FNDC1: variants seen among roughly 807,000 people sequenced by gnomAD.
FNDC1 encodes fibronectin type III domain-containing protein 1.
FNDC1 carries 96 observed loss-of-function variants against 168.0 expected under a neutral mutation model. The ratio of observed to expected loss-of-function variants is 0.57; its 90% CI spans 0.48 to 0.68. FNDC1 has a LOEUF of 0.68. Ranked by LOEUF, FNDC1 falls within the 30% of genes least tolerant of loss-of-function variation. FNDC1 has a pLI of 0.00. For missense variants in FNDC1, 2,587 were observed against 2,482.1 expected (o/e 1.04, Z -0.90); for synonymous variants, 1,099 against 1,025.9 (o/e 1.07, Z -1.36).
intron 22 of FNDC1, among the ~76,000 whole-genome samples, chr6:159,270,834 T>C (rs1777730395): frequency 6.6e-6 from 1 of 152,212 alleles, no homozygotes; most frequent in African/African-American, 2.4e-5. Context: ...CTCAATGTCA[T>C]CCATCCAGGT....
At chr6:159,222,777 TCATGC>T (rs1782857782) in intron 6 of FNDC1, among the ~76,000 whole-genome samples, 1 of 152,206 alleles carries the variant, frequency 6.6e-6, no homozygotes, top group Admixed American at 6.5e-5. Context: ...AATTTTCATT[TCATGC>T]CATGATCATC....
chr6:159,259,753 G>A (rs1319502318), intron 18 of FNDC1, among the ~76,000 whole-genome samples: 2 of 152,022 alleles, frequency 1.3e-5, no homozygotes, highest in African/African-American at 4.8e-5. Flanking sequence ...ATTGAGATTT[G>A]GAAACTCATA....
intron 1 of FNDC1, among the ~76,000 whole-genome samples, chr6:159,194,786 T>C (rs1194824124): frequency 6.6e-6 from 1 of 152,138 alleles, no homozygotes; most frequent in African/African-American, 2.4e-5. Flanking sequence ...GATGCTGGTT[T>C]GATGACTTCA....
At chr6:159,238,374 C>T (rs912478281) in intron 12 of FNDC1, among the ~76,000 whole-genome samples, 180 bp from the exon 13 acceptor site, 31 of 152,146 alleles carry the variant, frequency 2.0e-4, no homozygotes, top group Non-Finnish European at 4.0e-4. Flanking sequence ...CGTGAGCCAC[C>T]GCGCCCGGCC....
In FNDC1 at chr6:159,221,611, G is replaced by A. The variant is rs1385191859; in HGVS notation, c.681G>A (p.Val227=). Residue 227 remains valine, a synonymous_variant, in exon 6 of 23, where the codon GTG becomes GTA. Transcript: ENST00000297267. The stretch of plus-strand genomic sequence containing the variant: ...CCTGGTCCACAGCCTCGGAATCCGT[G>A]TATGTGGTCTCCCTGCAGTCCATGA... ...HEIKKLASES[V]YVVSLQSMNS... 3.1e-5 allele frequency: 50 copies of A among 1,613,956 alleles called. No homozygotes were observed. Among genetic ancestry groups the A allele is most frequent in the Non-Finnish European group, 4.2e-5 (49 of 1,179,832 alleles).
At chr6:159,171,582 G>A (rs765353029) in intron 1 of FNDC1, among the ~76,000 whole-genome samples, 1 of 152,194 alleles carries the variant, frequency 6.6e-6, no homozygotes, top group African/African-American at 2.4e-5. Context: ...GGCTCCGAGG[G>A]ACTTTGCTTA....
At position 159,265,992 on chromosome 6, in the gene FNDC1, G is replaced by A. The variant is rs1175651555; in HGVS notation, c.5285-92G>A. The A allele has an allele frequency of 3.0e-6, 4 of 1,324,952 alleles. No homozygotes were observed. In the African/African-American group the frequency reaches 4.4e-5, roughly 15 times the overall value. The allele number at this position is 1,324,952 out of a possible 1,614,324, so 82.1% of individuals were successfully genotyped here. On this transcript the variant is annotated intron_variant, in intron 20 of 22. Coordinates refer to ENST00000297267, the MANE Select transcript of FNDC1 (RefSeq NM_032532.3). ...CAAAAAGCCCTGTAAGGAAAGGAAG[G>A]CCCAGGAAGTCAGTGCAATTTCCTG...
chr6:159,269,503 C>CT lies in FNDC1; in HGVS notation c.5569+1577_5569+1578insT, dbSNP rs1562316105. 2.2e-3 allele frequency among the ~76,000 whole-genome samples: 239 copies of CT among 108,296 alleles called. 1 individual carries two copies. The highest frequency in any genetic ancestry group is 4.6e-3 in the Middle Eastern group (1 of 216). 71.0% of individuals were successfully genotyped at this position (108,296 alleles called of 152,430 possible). ...CTATCTATCTATCTATCTATCTATCCATCCATCCATGCATCCATCCATCCA... is the reference window on the plus strand; with the variant it reads ...CTATCTATCTATCTATCTATCTATCCTATCCATCCATGCATCCATCCATCCA... On this transcript the variant is annotated intron_variant, in intron 22 of 22. Coordinates refer to ENST00000297267, the MANE Select transcript of FNDC1 (RefSeq NM_032532.3).
At chr6:159,251,179 A>G in intron 16 of FNDC1, 123 bp from the exon 17 acceptor site, 2 of 690,486 alleles carry the variant, frequency 2.9e-6, no homozygotes, top group African/African-American at 1.8e-5. Context: ...ATCAAGGCTG[A>G]TGGAGCCTCC....
intron 12 of FNDC1, among the ~76,000 whole-genome samples, chr6:159,237,606 C>T (rs1408663214): frequency 1.3e-5 from 2 of 152,166 alleles, no homozygotes; most frequent in African/African-American, 2.4e-5. Context: ...TTAACATTAA[C>T]AGCAAAATGG....
rs772536058 is a variant in FNDC1, at chr6:159,233,957, C to CG, written c.3448dup (p.Val1150GlyfsTer40). On this transcript the variant is annotated frameshift_variant, in exon 11 of 23. Coordinates refer to ENST00000297267, the MANE Select transcript of FNDC1 (RefSeq NM_032532.3). LOFTEE classifies it high-confidence loss of function. This position sits in a 1 kb window ranked among gnomAD's most constrained non-coding sequence, Gnocchi z 4.6. ...ACCCGGCGGCCCCCAGTCCCGCGCC[C>CG]GGGTACCCAGCAGGGCAGCGCCGGG... is the stretch of plus-strand genomic sequence containing the variant. 8.2e-6 allele frequency: 13 copies of CG among 1,576,824 alleles called. No homozygotes were observed. Among genetic ancestry groups the CG allele is most frequent in the Non-Finnish European group, 1.1e-5 (13 of 1,161,598 alleles).
Position 159,233,027 on chromosome 6 carries a change from C to T in FNDC1, c.2515C>T (p.Arg839Trp). ...GTCTCCAAGCAGGTTCAGCATTGGG[C>T]GGGGACCTCGGCTGCAGCCCTCCAG... ...GRSPSRFSIG[R>W]GPRLQPSSSP... Residue 839 changes from arginine to tryptophan, a missense_variant, in exon 11 of 23, where the codon CGG (arginine) becomes TGG (tryptophan). Transcript: ENST00000297267. This position sits in a 1 kb window ranked among gnomAD's most constrained non-coding sequence, Gnocchi z 4.6. The T allele has an allele frequency of 1.2e-6, 2 of 1,612,010 alleles. No homozygotes were observed. The highest frequency in any genetic ancestry group is 1.3e-5 in the African/African-American group (1 of 74,984).
intron 18 of FNDC1, among the ~76,000 whole-genome samples, chr6:159,260,255 G>T: frequency 6.6e-6 from 1 of 152,302 alleles, no homozygotes; most frequent in South Asian, 2.1e-4. Flanking sequence ...AAGAGGTGAG[G>T]AAAGCACAAA....
chr6:159,228,545 G>T (rs516850), intron 9 of FNDC1, among the ~76,000 whole-genome samples: 58,090 of 149,998 alleles, frequency 0.39, 14,244 homozygotes, highest in East Asian at 0.73. Context: ...TGGTTGAAAC[G>T]TTTTTTTTTT....
chr6:159,207,976 T>C (rs1033994137), intron 4 of FNDC1, among the ~76,000 whole-genome samples: 7 of 152,214 alleles, frequency 4.6e-5, no homozygotes, highest in Non-Finnish European at 1.0e-4. Flanking sequence ...CCATTAAGAT[T>C]GGAAAAAGAT....
intron 1 of FNDC1, among the ~76,000 whole-genome samples, chr6:159,193,609 G>A (rs1782183943): frequency 6.6e-6 from 1 of 152,158 alleles, no homozygotes. Context: ...GCTTAGTTCT[G>A]GGCTCAGCAT....
chr6:159,186,930 A>T (rs1782012742), intron 1 of FNDC1, among the ~76,000 whole-genome samples: 1 of 152,254 alleles, frequency 6.6e-6, no homozygotes, highest in African/African-American at 2.4e-5. Context: ...ATTGGCATGC[A>T]TGCATGAAAG....
rs35059418 is a variant in FNDC1, at chr6:159,247,753, CT to C, written c.4690+793del. Among the ~76,000 whole-genome samples, 16 of 151,312 alleles carry C rather than the reference CT, an allele frequency of 1.1e-4. No individual in the cohort carries two copies. In the East Asian group the frequency reaches 1.9e-3, roughly 18 times the overall value. ...CACCCCATTTCAAACAAAAAAAACA[CT>C]TTTTTTTTAAGGTTAAGAATACAAA... On this transcript the variant is annotated intron_variant, in intron 15 of 22. Transcript: ENST00000297267.
intron 13 of FNDC1, among the ~76,000 whole-genome samples, 180 bp from the exon 14 acceptor site, chr6:159,239,337 T>A (rs1298285101): frequency 6.6e-6 from 1 of 152,240 alleles, no homozygotes; most frequent in Non-Finnish European, 1.5e-5. Context: ...CTTCCTTTGC[T>A]AGACACAAGA....
Sources: gnomAD v4.1 joint callset for allele counts (sites outside exome capture counted in the v4.1 genomes callset) on GRCh38, gnomAD v4.1.1 for gene constraint, Gnocchi (gnomAD v3.1) non-coding constraint, MANE v1.5 for transcripts, NCBI Gene and HGNC (gene_info 2026-07-23, HGNC 2026-07-21) for gene names.